GPSM1: variants seen among roughly 807,000 people sequenced by gnomAD.
The protein encoded by GPSM1 is G protein-signaling modulator 1.
In GPSM1, 48 loss-of-function variants were observed where a neutral mutation model predicts 70.5. That is an observed-to-expected ratio of 0.68 (90% CI 0.54 to 0.87). The LOEUF (loss-of-function observed/expected upper bound fraction) is 0.87. GPSM1 is among the 40% of genes least tolerant of loss of function. GPSM1 has a pLI of 0.00. For synonymous variants in GPSM1, 416 were observed against 430.1 expected (o/e 0.97, Z 0.41); for missense variants, 981 against 972.6 (o/e 1.01, Z -0.11).
Position 136,358,356 on chromosome 9 carries a change from C to T in GPSM1, c.*136C>T, listed in dbSNP as rs1450065268. 14 of 840,374 alleles carry T rather than the reference C, an allele frequency of 1.7e-5. 1 individual carries two copies. Among genetic ancestry groups the T allele is most frequent in the African/African-American group, 7.1e-5 (4 of 56,396 alleles). The allele number at this position is 840,374 out of a possible 1,614,324, so 52.1% of individuals were successfully genotyped here. On this transcript the variant is annotated 3_prime_UTR_variant, in exon 14 of 14. Transcript: ENST00000440944. ...GCCCCACGGCCTCCCCGACCCAGGG[C>T]GACAGGCTCAGGCCAAGCTGCCCGT...
chr9:136,354,506 C>G (rs575136109), intron 11 of GPSM1, among the ~76,000 whole-genome samples: 2 of 152,270 alleles, frequency 1.3e-5, no homozygotes, highest in Non-Finnish European at 2.9e-5. Flanking sequence ...AGCTGTGAGC[C>G]CAGCATTTGC....
rs77874192 is a variant in GPSM1 at position 136,335,007 on chromosome 9, G to C, written c.290+339G>C. Among the ~76,000 whole-genome samples, 1,253 of 152,306 alleles carry C rather than the reference G, an allele frequency of 8.2e-3. 17 individuals carry two copies. Among genetic ancestry groups the C allele is most frequent in the African/African-American group, 0.029 (1,203 of 41,562 alleles). ...AGCCCTCACCTGGAGGGCAGCCAGG[G>C]CTCTGGGACCCCGGCAGGGAGCTGG... On this transcript the variant is annotated intron_variant, in intron 2 of 13. Coordinates refer to ENST00000440944, the MANE Select transcript of GPSM1 (RefSeq NM_001145638.3).
At chr9:136,352,999 G>A (rs1225548001) in intron 11 of GPSM1, 1 of 710,816 alleles carries the variant, frequency 1.4e-6, no homozygotes, top group Non-Finnish European at 1.7e-6. Flanking sequence ...CCTTGCCCAG[G>A]GTCCTATTTA....
chr9:136,346,657 A>G (rs1554771312), intron 9 of GPSM1, among the ~76,000 whole-genome samples: 1 of 152,194 alleles, frequency 6.6e-6, no homozygotes, highest in Admixed American at 6.5e-5. Context: ...GCCTGTTCTC[A>G]TCCGCAGCAT....
chr9:136,357,405 A>G (rs1179217526), intron 13 of GPSM1, among the ~76,000 whole-genome samples: 1 of 152,208 alleles, frequency 6.6e-6, no homozygotes, highest in African/African-American at 2.4e-5. Flanking sequence ...AGAGGCCCAG[A>G]GTCCCCCATC....
In GPSM1 at chr9:136,358,337, C is replaced by G; in HGVS notation, c.*117C>G. 1.0e-6 allele frequency: 1 copy of G among 957,974 alleles called. No individual in the cohort carries two copies. The allele number at this position is 957,974 out of a possible 1,614,324, so 59.3% of individuals were successfully genotyped here. On this transcript the variant is annotated 3_prime_UTR_variant, in exon 14 of 14. Coordinates refer to ENST00000440944, the MANE Select transcript of GPSM1 (RefSeq NM_001145638.3). ...GACAGGCACTGGGCATGCAGCCCCA[C>G]GGCCTCCCCGACCCAGGGCGACAGG... is the stretch of plus-strand genomic sequence containing the variant.
chr9:136,347,638 C>T (rs912303726), intron 9 of GPSM1, among the ~76,000 whole-genome samples: 4 of 152,184 alleles, frequency 2.6e-5, no homozygotes, highest in Non-Finnish European at 4.4e-5. Context: ...GGGAAGCGCC[C>T]GCAGACCCTG....
chr9:136,337,395 G>C (rs782569792), intron 4 of GPSM1, 46 bp from the exon 5 acceptor site: 1 of 1,556,920 alleles, frequency 6.4e-7, no homozygotes, highest in Middle Eastern at 1.7e-4. Context: ...GGGTGGGTGA[G>C]GACATGGGCT....
chr9:136,346,792 C>G (rs1174439628), intron 9 of GPSM1, among the ~76,000 whole-genome samples: 3 of 152,190 alleles, frequency 2.0e-5, no homozygotes, highest in African/African-American at 7.2e-5. Context: ...GGGATGTTGG[C>G]TGAGTGACAG....
chr9:136,352,316 G>A (rs61386106), intron 11 of GPSM1, among the ~76,000 whole-genome samples: 2,399 of 12,014 alleles, frequency 0.2, 778 homozygotes, highest in East Asian at 0.8. Flanking sequence ...TGACACCGAT[G>A]CTGCGCCGTT....
chr9:136,353,608 G>T (rs1430248734), intron 11 of GPSM1, among the ~76,000 whole-genome samples: 1 of 152,210 alleles, frequency 6.6e-6, no homozygotes, highest in Non-Finnish European at 1.5e-5. Context: ...CAGCCTCAGG[G>T]AAGGGGAGGG....
intron 4 of GPSM1, 23 bp downstream of exon 4, chr9:136,337,095 A>C (rs782144197): frequency 1.3e-6 from 2 of 1,537,818 alleles, no homozygotes; most frequent in South Asian, 1.2e-5. Context: ...GGGCCAGCCC[A>C]GGGACCGGGG....
chr9:136,356,312 TC>T, intron 12 of GPSM1, 29 bp from the exon 13 acceptor site: 1 of 1,493,156 alleles, frequency 6.7e-7, no homozygotes. Flanking sequence ...CCGCACTGGG[TC>T]CCAGGTCTCA....
chr9:136,329,020 G>A (rs543136175), intron 1 of GPSM1, among the ~76,000 whole-genome samples: 2 of 152,276 alleles, frequency 1.3e-5, no homozygotes, highest in African/African-American at 4.8e-5. Context: ...TGTGAGAGAC[G>A]GGTGTCCAAG....
Position 136,339,699 on chromosome 9 carries a change from T to C in GPSM1, c.975-8T>C. 6.5e-7 allele frequency: 1 copy of C among 1,543,648 alleles called. No individual in the cohort carries two copies. The highest frequency in any genetic ancestry group is 8.8e-7 in the Non-Finnish European group (1 of 1,140,926). Reference sequence around the variant, plus strand: ...GGCGGGTATGAATCTGGTCTCCCTCTCTGGCAGAGTGGGCGAGGGCCGGGC... The same window carrying C: ...GGCGGGTATGAATCTGGTCTCCCTCCCTGGCAGAGTGGGCGAGGGCCGGGC... On this transcript the variant is annotated splice_region_variant and splice_polypyrimidine_tract_variant and intron_variant, in intron 7 of 13. Coordinates refer to ENST00000440944, the MANE Select transcript of GPSM1 (RefSeq NM_001145638.3).
intron 11 of GPSM1, among the ~76,000 whole-genome samples, chr9:136,352,477 G>A (rs886759783): frequency 1.3e-5 from 2 of 152,242 alleles, no homozygotes; most frequent in African/African-American, 2.4e-5. Context: ...GGGGTGGAGG[G>A]TAGGGGACAG....
intron 1 of GPSM1, among the ~76,000 whole-genome samples, chr9:136,333,415 A>C (rs1475067948): frequency 6.6e-6 from 1 of 151,738 alleles, no homozygotes; most frequent in Non-Finnish European, 1.5e-5. Flanking sequence ...GCAGCCACGG[A>C]GTGACCCCAC....
chr9:136,327,821 G>A (rs1298091396), intron 1 of GPSM1, 58 bp downstream of exon 1: 2 of 636,616 alleles, frequency 3.1e-6, no homozygotes, highest in Non-Finnish European at 4.3e-6. Flanking sequence ...GGGCCGGGTC[G>A]GGACGCGGGG....
chr9:136,344,616 G>A (rs1554770945), intron 9 of GPSM1, among the ~76,000 whole-genome samples: 1 of 152,236 alleles, frequency 6.6e-6, no homozygotes, highest in East Asian at 1.9e-4. Flanking sequence ...ACCATCCCAT[G>A]GGGAGTTAGG....
Sources: allele counts gnomAD v4.1 joint callset (sites outside exome capture counted in the v4.1 genomes callset), GRCh38; gene constraint gnomAD v4.1.1; transcripts MANE v1.5; gene names NCBI Gene and HGNC (gene_info 2026-07-23, HGNC 2026-07-21).